Variants in WDR91 observed in about 807,000 individuals in gnomAD.
WDR91 encodes the protein WD repeat-containing protein 91.
In WDR91, 52 loss-of-function variants were observed where a neutral mutation model predicts 88.4. The ratio of observed to expected loss-of-function variants is 0.59; its 90% CI spans 0.47 to 0.74. WDR91 has a LOEUF of 0.74. Ranked by LOEUF, WDR91 falls within the 30% of genes least tolerant of loss-of-function variation. The pLI is 0.00. For synonymous variants in WDR91, 362 were observed against 389.5 expected (o/e 0.93, Z 0.83); for missense variants, 824 against 954.5 (o/e 0.86, Z 1.80).
chr7:135,206,634 A>G (rs1458287641), intron 4 of WDR91, among the ~76,000 whole-genome samples: 1 of 152,048 alleles, frequency 6.6e-6, no homozygotes, highest in Non-Finnish European at 1.5e-5. Flanking sequence ...CCCTGGCTCT[A>G]TTGTTTTATC....
chr7:135,187,547 T>A (rs1005668778), intron 13 of WDR91, among the ~76,000 whole-genome samples: 2 of 151,990 alleles, frequency 1.3e-5, no homozygotes, highest in African/African-American at 4.8e-5. Context: ...AAGTGACATA[T>A]TATTATTATT....
At chr7:135,204,895 A>G (rs111657423) in intron 5 of WDR91, among the ~76,000 whole-genome samples, 1 of 151,866 alleles carries the variant, frequency 6.6e-6, no homozygotes, top group Non-Finnish European at 1.5e-5. Context: ...AATTAACTTC[A>G]TCTTGTTTTT....
At chr7:135,192,838 T>C (rs1167572615) in intron 11 of WDR91, among the ~76,000 whole-genome samples, 2 of 152,194 alleles carry the variant, frequency 1.3e-5, no homozygotes, top group African/African-American at 4.8e-5. Context: ...TCTGAGGTGG[T>C]GCCCAGGTCC....
intron 6 of WDR91, chr7:135,202,186 T>A (rs1831599306): frequency 6.6e-6 from 1 of 152,216 alleles, no homozygotes; most frequent in Non-Finnish European, 1.5e-5. Context: ...GCTCTGCATC[T>A]TAGGAGGCAA....
At chr7:135,188,042 T>TTTACATCTCTGGGCTCTGCTGG (rs1325471313) in intron 13 of WDR91, among the ~76,000 whole-genome samples, 1 of 152,088 alleles carries the variant, frequency 6.6e-6, no homozygotes, top group African/African-American at 2.4e-5. Flanking sequence ...TGGCTTCTTG[T>TTTACATCTCTGGGCTCTGCTGG]TTACATCTCT....
rs770962557 is a variant in WDR91 at position 135,204,411 on chromosome 7, T to C, written c.748A>G (p.Asn250Asp). 11 of 1,614,026 alleles carry C rather than the reference T, an allele frequency of 6.8e-6. No homozygotes were observed. The highest frequency in any genetic ancestry group is 9.3e-6 in the Non-Finnish European group (11 of 1,180,024). ...SELAMVCSQRNASLSQSPRVG... is the reference protein window; with the variant it reads ...SELAMVCSQRDASLSQSPRVG... ...CGAGGTGACTGGGAGAGGGAGGCAT[T>C]CCTTTGGCTGCACACCATGGCACTG... The change falls in exon 6 of 15, where the codon AAT becomes GAT. Residue 250 changes from asparagine to aspartate, a missense_variant. Physicochemically the swap from Asn to Asp is conservative, Grantham distance 23. Coordinates refer to ENST00000354475, the MANE Select transcript of WDR91 (RefSeq NM_014149.4).
At position 135,193,344 on chromosome 7, in the gene WDR91, C is replaced by G; in HGVS notation, c.1546G>C (p.Ala516Pro). Residue 516 changes from alanine to proline, a missense_variant, in exon 11 of 15, where the codon GCT becomes CCT. Coordinates refer to ENST00000354475, the MANE Select transcript of WDR91 (RefSeq NM_014149.4). ...NGASFVCSAA[A>P]PSLTSQVDFS... The stretch of plus-strand genomic sequence containing the variant: ...TCCACCTGGGAAGTGAGGCTCGGAG[C>G]TGCTGCCGAACAGACGAAAGAGGCC... The G allele has an allele frequency of 6.2e-7, 1 of 1,614,224 alleles. No homozygotes were observed. Among genetic ancestry groups the G allele is most frequent in the South Asian group, 1.1e-5 (1 of 91,084 alleles).
At chr7:135,204,177 A>G in intron 6 of WDR91, 91 bp downstream of exon 6, 1 of 1,478,974 alleles carries the variant, frequency 6.8e-7, no homozygotes, top group South Asian at 1.3e-5. Context: ...AAGGAGGGCA[A>G]ACAAGTCTAC....
intron 8 of WDR91, among the ~76,000 whole-genome samples, chr7:135,195,884 T>C (rs1490029803): frequency 6.6e-6 from 1 of 151,834 alleles, no homozygotes; most frequent in Non-Finnish European, 1.5e-5. Context: ...GAGGGCAAGG[T>C]TGCAGTGAGC....
intron 13 of WDR91, 96 bp from the exon 14 acceptor site, chr7:135,187,265 G>A (rs958581114): frequency 6.2e-6 from 8 of 1,290,630 alleles, no homozygotes; most frequent in South Asian, 2.6e-5. Flanking sequence ...AGAGGCTGGC[G>A]AGGGCGACCC....
intron 6 of WDR91, chr7:135,199,172 A>T (rs1240347824): frequency 1.3e-5 from 2 of 152,236 alleles, no homozygotes; most frequent in African/African-American, 4.8e-5. Flanking sequence ...ATAATTTAAA[A>T]TGATTAACAT....
intron 5 of WDR91, among the ~76,000 whole-genome samples, chr7:135,205,010 T>C (rs1831711050): frequency 1.3e-5 from 2 of 152,180 alleles, no homozygotes; most frequent in African/African-American, 4.8e-5. Flanking sequence ...TCTGGTGCAA[T>C]ACTTGGCTAT....
chr7:135,211,151 G>A (rs890696576), intron 1 of WDR91, among the ~76,000 whole-genome samples: 3 of 152,166 alleles, frequency 2.0e-5, no homozygotes, highest in Non-Finnish European at 4.4e-5. Flanking sequence ...GGGCATCGGG[G>A]CTCCAGCCTC....
Position 135,205,876 on chromosome 7 carries a change from G to A in WDR91, c.725+52C>T. On this transcript the variant is annotated intron_variant, in intron 5 of 14. Coordinates refer to ENST00000354475, the MANE Select transcript of WDR91 (RefSeq NM_014149.4). ...AAGGCAAGATCAGAGGGAACTGTGG[G>A]GCTGAGAGCACAGAGGGCAAAGAAA... 5 of 1,609,850 alleles carry A rather than the reference G, an allele frequency of 3.1e-6. 1 individual carries two copies. Among genetic ancestry groups the A allele is most frequent in the African/African-American group, 1.3e-5 (1 of 74,906 alleles).
chr7:135,187,028 C>A lies in WDR91; in HGVS notation c.2023G>T (p.Asp675Tyr). Residue 675 changes from aspartate to tyrosine, a missense_variant, in exon 14 of 15, where the codon GAC becomes TAC. Asp to Tyr is a radical substitution (Grantham distance 160). Transcript: ENST00000354475. ...GTCAGCATGTAATTTCCCTCCGAGT[C>A]AAAAGCGAAGAGTCGGCCCCTGGGG... ...QVPRGRLFAF[D>Y]SEGNYMLTCS... is the part of the protein sequence containing the mutation. 6.2e-7 allele frequency: 1 copy of A among 1,614,206 alleles called. No individual in the cohort carries two copies. Among genetic ancestry groups the A allele is most frequent in the Non-Finnish European group, 8.5e-7 (1 of 1,180,050 alleles).
rs376809222 is a variant in WDR91, at chr7:135,186,128, C to T, written c.*23G>A. 965 of 1,571,114 alleles carry T rather than the reference C, an allele frequency of 6.1e-4. 5 individuals are homozygous for T. The highest frequency in any genetic ancestry group is 3.6e-3 in the South Asian group (309 of 85,326). ...CCCACCGCAGATAATACTGCTTCCT[C>T]GGGTGGCCCTTGGGGCAAGTCATCA... is the stretch of plus-strand genomic sequence containing the variant. On this transcript the variant is annotated 3_prime_UTR_variant, in exon 15 of 15. Coordinates refer to ENST00000354475, the MANE Select transcript of WDR91 (RefSeq NM_014149.4).
At chr7:135,201,321 G>A (rs1489465717) in intron 6 of WDR91, among the ~76,000 whole-genome samples, 2 of 149,172 alleles carry the variant, frequency 1.3e-5, no homozygotes, top group Non-Finnish European at 1.5e-5. Context: ...TCCTAGAAGG[G>A]CTTGGGAAGT....
intron 1 of WDR91, chr7:135,210,837 C>A: frequency 1.4e-6 from 1 of 703,692 alleles, no homozygotes; most frequent in Non-Finnish European, 2.6e-6. Context: ...AAGAACCTCG[C>A]AATGGAAAAT....
intron 1 of WDR91, among the ~76,000 whole-genome samples, chr7:135,210,445 A>G (rs955312446): frequency 1.1e-4 from 17 of 152,200 alleles, no homozygotes; most frequent in Admixed American, 1.1e-3. Flanking sequence ...CTATGAGACA[A>G]TCTCCACAAT....
Sources: allele counts gnomAD v4.1 joint callset (sites outside exome capture counted in the v4.1 genomes callset), GRCh38; gene constraint gnomAD v4.1.1; transcripts MANE v1.5; gene names NCBI Gene and HGNC (gene_info 2026-07-23, HGNC 2026-07-21).